Variants in HYDIN observed in about 807,000 individuals in gnomAD.
HYDIN encodes the protein axonemal central pair apparatus protein HYDIN.
A neutral mutation model predicts 403.9 loss-of-function variants in HYDIN; 132 were observed. The ratio of observed to expected loss-of-function variants is 0.33; its 90% CI spans 0.28 to 0.38. The LOEUF (loss-of-function observed/expected upper bound fraction) is 0.38, where lower values mean the gene tolerates loss of function less well. HYDIN is among the 10% of genes least tolerant of loss of function. The pLI, the probability that HYDIN is intolerant of heterozygous loss-of-function variation, is 1.00. For missense variants in HYDIN, 2,827 were observed against 5,009.5 expected (o/e 0.56, Z 13.15); for synonymous variants, 1,202 against 1,891.7 (o/e 0.64, Z 9.46).
intron 13 of HYDIN, chr16:71,076,099 G>C (rs547377300): frequency 5.3e-6 from 1 of 188,340 alleles, no homozygotes; most frequent in South Asian, 8.6e-5. Context: ...GTCTGCAACA[G>C]GGCTGCCATA....
intron 47 of HYDIN, among the ~76,000 whole-genome samples, chr16:70,914,484 T>G (rs960638410): frequency 4.0e-5 from 6 of 148,264 alleles, no homozygotes; most frequent in African/African-American, 1.5e-4. Flanking sequence ...TTCTATCTTG[T>G]AGGGTTTCTG....
rs746495574 is a variant in HYDIN, at chr16:70,894,429, T to C, written c.9248+20A>G. 3 of 1,607,624 alleles carry C rather than the reference T, an allele frequency of 1.9e-6. No individual in the cohort carries two copies. In the South Asian group the frequency reaches 3.3e-5, roughly 18 times the overall value. ...CCACGGCGGACTTGATGGCCTTACATCTGATGGGATTCCAGTTACCTGAAC... is the reference window on the plus strand; with the variant it reads ...CCACGGCGGACTTGATGGCCTTACACCTGATGGGATTCCAGTTACCTGAAC... On this transcript the variant is annotated intron_variant, in intron 55 of 85. Transcript: ENST00000393567.
rs1305187299 is a variant in HYDIN at position 70,806,578 on chromosome 16, A to T, written c.*1002T>A. 1.3e-5 allele frequency among the ~76,000 whole-genome samples: 2 copies of T among 152,098 alleles called. No homozygotes were observed. The highest frequency in any genetic ancestry group is 2.9e-5 in the Non-Finnish European group (2 of 68,026). On this transcript the variant is annotated 3_prime_UTR_variant, in exon 86 of 86. Transcript: ENST00000393567. The stretch of plus-strand genomic sequence containing the variant: ...TGATAGTACTGCTGCTGGCCCAGGG[A>T]CCATTTTTAAGACCCACTTCTTTAC...
intron 23 of HYDIN, among the ~76,000 whole-genome samples, chr16:71,009,980 T>C (rs2080022180): frequency 8.3e-6 from 1 of 120,356 alleles, no homozygotes. Context: ...GTTGTTCCAA[T>C]ACCCCCAGCT....
rs1460437723 is a variant in HYDIN, at chr16:70,938,638, T to C, written c.6971A>G (p.Gln2324Arg). 3 of 1,603,378 alleles carry C rather than the reference T, an allele frequency of 1.9e-6. No homozygotes were observed. The highest frequency in any genetic ancestry group is 2.7e-5 in the African/African-American group (2 of 74,920). Reference protein sequence around the residue: ...EKLTFDRGIQQALRERKKREQ... With the variant: ...EKLTFDRGIQRALRERKKREQ... ...CCTCTTCTTCCGCTCGCGGAGCGCC[T>C]GCTGAATCCCCCGATCGAATGTGAG... The change falls in exon 44 of 86, where the codon CAG (glutamine) becomes CGG (arginine). Residue 2324 changes from glutamine (Q) to arginine (R), a missense_variant. Transcript: ENST00000393567.
At chr16:70,847,464 T>C (rs2038292282) in intron 75 of HYDIN, among the ~76,000 whole-genome samples, 2 of 152,188 alleles carry the variant, frequency 1.3e-5, no homozygotes, top group Admixed American at 1.3e-4. Context: ...TTATTACTTC[T>C]TGTAGGCCAG....
intron 21 of HYDIN, among the ~76,000 whole-genome samples, chr16:71,020,805 T>G: frequency 1.5e-5 from 2 of 131,836 alleles, no homozygotes; most frequent in South Asian, 2.3e-4. Flanking sequence ...TAGGACTCAG[T>G]CTCAAGGAAA....
chr16:71,228,441 C>T (rs1348572274), intron 1 of HYDIN, among the ~76,000 whole-genome samples: 2 of 152,108 alleles, frequency 1.3e-5, no homozygotes, highest in East Asian at 3.9e-4. Context: ...CCAGAATCTA[C>T]AAAGAACTCA....
chr16:71,124,776 C>T, intron 9 of HYDIN, among the ~76,000 whole-genome samples: 1 of 149,202 alleles, frequency 6.7e-6, no homozygotes, highest in East Asian at 2.0e-4. Context: ...TTTCTTTTTA[C>T]TTTTTGAGCA....
intron 5 of HYDIN, among the ~76,000 whole-genome samples, chr16:71,163,343 T>C (rs1199068888): frequency 1.3e-5 from 2 of 152,060 alleles, no homozygotes; most frequent in African/African-American, 2.4e-5. Flanking sequence ...AGGATGGGTC[T>C]TGATATCCTG....
chr16:71,215,581 A>AT (rs34825536), intron 1 of HYDIN, among the ~76,000 whole-genome samples: 67 of 151,542 alleles, frequency 4.4e-4, no homozygotes, highest in Admixed American at 4.3e-3. Flanking sequence ...AAAAAAAAAA[A>AT]TACTAGCCAG....
intron 84 of HYDIN, among the ~76,000 whole-genome samples, chr16:70,810,399 G>A (rs999686991): frequency 3.3e-5 from 5 of 152,200 alleles, no homozygotes; most frequent in Non-Finnish European, 5.9e-5. Context: ...TACCCATGGC[G>A]AAACAAAGCA....
At chr16:70,977,043 G>T (rs1413916802) in intron 30 of HYDIN, among the ~76,000 whole-genome samples, 1 of 152,218 alleles carries the variant, frequency 6.6e-6, no homozygotes, top group Non-Finnish European at 1.5e-5. Flanking sequence ...CCCTACTCAA[G>T]GGAACCAGCT....
chr16:70,981,848 G>T (rs1052468894), intron 28 of HYDIN, among the ~76,000 whole-genome samples: 5 of 152,046 alleles, frequency 3.3e-5, no homozygotes, highest in African/African-American at 9.7e-5. Context: ...AAATGGTTCG[G>T]CCGGGCCTGG....
chr16:71,132,892 GT>G (rs2084768162), intron 8 of HYDIN: 1 of 156,718 alleles, frequency 6.4e-6, no homozygotes, highest in Admixed American at 6.5e-5. Context: ...CAGTCCTAGT[GT>G]TTTGCCATCT....
chr16:71,059,477 T>A (rs1230688744), intron 18 of HYDIN, among the ~76,000 whole-genome samples: 2 of 152,182 alleles, frequency 1.3e-5, no homozygotes, highest in Admixed American at 1.3e-4. Context: ...GGGCTCTCTA[T>A]TCTGTTGCAT....
chr16:70,820,222 G>C (rs1242470727), intron 83 of HYDIN, among the ~76,000 whole-genome samples: 2 of 109,598 alleles, frequency 1.8e-5, no homozygotes, highest in Non-Finnish European at 3.4e-5. Flanking sequence ...ATGGAGTCTC[G>C]CTCTGTCGCC....
intron 5 of HYDIN, among the ~76,000 whole-genome samples, chr16:71,170,578 T>A (rs1567403948): frequency 6.6e-6 from 1 of 150,836 alleles, no homozygotes. Flanking sequence ...AAACCAACTT[T>A]AAAAAAAAAC....
At chr16:71,085,775 G>A (rs1474050384) in intron 12 of HYDIN, among the ~76,000 whole-genome samples, 1 of 152,094 alleles carries the variant, frequency 6.6e-6, no homozygotes, top group Non-Finnish European at 1.5e-5. Flanking sequence ...AGACTCTCCA[G>A]CTTTCTTTTG....
Sources: gnomAD v4.1 joint callset for allele counts (sites outside exome capture counted in the v4.1 genomes callset) on GRCh38, gnomAD v4.1.1 for gene constraint, MANE v1.5 for transcripts, NCBI Gene and HGNC (gene_info 2026-07-23, HGNC 2026-07-21) for gene names.